OTOG: variants seen among roughly 807,000 people sequenced by gnomAD.
OTOG encodes otogelin.
A neutral mutation model predicts 313.8 loss-of-function variants in OTOG; 296 were observed. The observed-to-expected ratio is 0.94, with a 90% CI of 0.86 to 1.04. The LOEUF (loss-of-function observed/expected upper bound fraction) is 1.04, where lower values mean the gene tolerates loss of function less well. Among genes scored for constraint, OTOG ranks in the 50% least tolerant of loss-of-function variants. The pLI is 0.00. For missense variants in OTOG, 3,948 were observed against 3,840.1 expected (o/e 1.03, Z -0.74); for synonymous variants, 1,533 against 1,554.9 (o/e 0.99, Z 0.33).
intron 15 of OTOG, among the ~76,000 whole-genome samples, chr11:17,568,009 G>A (rs563042420): frequency 2.6e-5 from 4 of 152,202 alleles, no homozygotes; most frequent in South Asian, 2.1e-4. Context: ...CCGGGTTCAC[G>A]CCATTCTCCT....
intron 39 of OTOG, among the ~76,000 whole-genome samples, chr11:17,617,552 A>C (rs1233847294): frequency 1.3e-5 from 2 of 152,150 alleles, no homozygotes; most frequent in Non-Finnish European, 2.9e-5. Context: ...TCTTTCATAG[A>C]ATTTGTCCAT....
At chr11:17,601,796 T>C (rs922494508) in intron 31 of OTOG, among the ~76,000 whole-genome samples, 1 of 152,124 alleles carries the variant, frequency 6.6e-6, no homozygotes, top group African/African-American at 2.4e-5. Flanking sequence ...CACTAACAGG[T>C]TTATTGTCCC....
intron 33 of OTOG, among the ~76,000 whole-genome samples, chr11:17,606,537 G>C (rs1171404353): frequency 6.6e-6 from 1 of 152,224 alleles, no homozygotes; most frequent in Non-Finnish European, 1.5e-5. Flanking sequence ...GGATAGGTCT[G>C]GGGGCCAGCA....
At chr11:17,570,479 C>T (rs1260407981) in intron 17 of OTOG, 89 bp downstream of exon 17, 20 of 1,268,072 alleles carry the variant, frequency 1.6e-5, no homozygotes, top group Middle Eastern at 2.3e-4. Flanking sequence ...ATGTCTCTCC[C>T]GTGAGCCTTC....
chr11:17,560,260 C>G lies in OTOG; in HGVS notation c.1343-449C>G, dbSNP rs77634447. 4.4e-3 allele frequency among the ~76,000 whole-genome samples: 670 copies of G among 152,304 alleles called. 6 individuals are homozygous for G. Among genetic ancestry groups the G allele is most frequent in the African/African-American group, 0.015 (625 of 41,560 alleles). On this transcript the variant is annotated intron_variant, in intron 12 of 55. Coordinates refer to ENST00000399397, the MANE Select transcript of OTOG (RefSeq NM_001292063.2). ...AGCCATTGACTTTGGGAATCAGAATCTGGTTTCAGAGATATCACGCTCATA... is the reference window on the plus strand; with the variant it reads ...AGCCATTGACTTTGGGAATCAGAATGTGGTTTCAGAGATATCACGCTCATA...
intron 39 of OTOG, among the ~76,000 whole-genome samples, chr11:17,622,461 T>A (rs1853888035): frequency 6.6e-6 from 1 of 152,210 alleles, no homozygotes; most frequent in Non-Finnish European, 1.5e-5. Context: ...TATCAAACAC[T>A]AAGTCTTACT....
intron 53 of OTOG, 108 bp downstream of exon 53, chr11:17,642,354 G>A: frequency 5.8e-6 from 8 of 1,388,242 alleles, no homozygotes; most frequent in South Asian, 3.2e-5. Flanking sequence ...GGGCTCCCTG[G>A]AGCCTGTGCC....
rs1408669797 is a variant in OTOG, at chr11:17,555,796, G to T, written c.558G>T (p.Gln186His). The change falls in exon 7 of 56, where the codon CAG becomes CAT. Residue 186 changes from glutamine (Q) to histidine (H), a missense_variant. By Grantham distance (24) the Gln-to-His change is conservative. Coordinates refer to ENST00000399397, the MANE Select transcript of OTOG (RefSeq NM_001292063.2). The stretch of plus-strand genomic sequence containing the variant: ...CTACTCAGGTACACAATGACCCGCA[G>T]TGTGGCTCTTCACCCTACACCTGCT... ...SFSIQVHNDP[Q>H]CGSSPYTCSR... 1 of 1,550,536 alleles carries T rather than the reference G, an allele frequency of 6.4e-7. No homozygotes were observed. The highest frequency in any genetic ancestry group is 2.0e-5 in the Admixed American group (1 of 51,014).
rs550889516 is a variant in OTOG, at chr11:17,640,077, C to T, written c.7935+614C>T. ...ATGGTGGTGGTGAAGATGATAATGGCAATGATGATGATGATGTTGATGACA... is the reference window on the plus strand; with the variant it reads ...ATGGTGGTGGTGAAGATGATAATGGTAATGATGATGATGATGTTGATGACA... On this transcript the variant is annotated intron_variant, in intron 49 of 55. Transcript: ENST00000399397. 3.3e-5 allele frequency among the ~76,000 whole-genome samples: 5 copies of T among 152,156 alleles called. No individual in the cohort carries two copies. In the East Asian group the frequency reaches 5.8e-4, roughly 18 times the overall value.
chr11:17,606,329 G>A (rs978762475), intron 33 of OTOG, among the ~76,000 whole-genome samples, 194 bp downstream of exon 33: 7 of 152,238 alleles, frequency 4.6e-5, no homozygotes, highest in Non-Finnish European at 7.3e-5. Flanking sequence ...AGGGAGCCAC[G>A]GACAGTGTGC....
rs1459838559 is a variant in OTOG at position 17,635,084 on chromosome 11, T to C, written c.7590T>C (p.Cys2530=). Reference sequence around the variant, plus strand: ...TAAATTCAGCCTTTTCCCCAGAGTGTGACCCAGATCTCTGTGAGGCAGAGC... The same window carrying C: ...TAAATTCAGCCTTTTCCCCAGAGTGCGACCCAGATCTCTGTGAGGCAGAGC... ...DSCCPSYSCE[C]DPDLCEAELV... Residue 2530 remains cysteine (C), a synonymous_variant, in exon 46 of 56, where the codon TGT becomes TGC. Coordinates refer to ENST00000399397, the MANE Select transcript of OTOG (RefSeq NM_001292063.2). 6.5e-7 allele frequency: 1 copy of C among 1,548,098 alleles called. No individual in the cohort carries two copies. The highest frequency in any genetic ancestry group is 1.4e-5 in the African/African-American group (1 of 73,078).
chr11:17,605,477 C>G (rs1590036618), intron 32 of OTOG, among the ~76,000 whole-genome samples: 1 of 152,256 alleles, frequency 6.6e-6, no homozygotes, highest in Non-Finnish European at 1.5e-5. Flanking sequence ...AGGGCAGTTG[C>G]CTCTATTGTA....
chr11:17,631,634 A>G lies in OTOG; in HGVS notation c.6713-68A>G. 8.5e-6 allele frequency: 11 copies of G among 1,299,690 alleles called. No individual in the cohort carries two copies. In the South Asian group the frequency reaches 1.4e-4, roughly 16 times the overall value. The allele number at this position is 1,299,690 out of a possible 1,614,324, so 80.5% of individuals were successfully genotyped here. Reference sequence around the variant, plus strand: ...TCAAAGAACTGTGAGGAATACAAAAAGTGAGAGCTGACGACATGGGAGTGG... The same window carrying G: ...TCAAAGAACTGTGAGGAATACAAAAGGTGAGAGCTGACGACATGGGAGTGG... On this transcript the variant is annotated intron_variant, in intron 40 of 55. Transcript: ENST00000399397.
chr11:17,584,112 C>T (rs1590019980), intron 23 of OTOG, among the ~76,000 whole-genome samples: 1 of 151,946 alleles, frequency 6.6e-6, no homozygotes, highest in East Asian at 1.9e-4. Context: ...TTTTAATTGC[C>T]ACAATATAGA....
chr11:17,621,786 A>AT (rs1409540983), intron 39 of OTOG, among the ~76,000 whole-genome samples: 1 of 152,054 alleles, frequency 6.6e-6, no homozygotes, highest in Non-Finnish European at 1.5e-5. Context: ...ATTTGTTTCC[A>AT]TTTTTTGTTT....
chr11:17,551,886 G>A, intron 3 of OTOG, 114 bp from the exon 4 acceptor site: 1 of 901,350 alleles, frequency 1.1e-6, no homozygotes, highest in Non-Finnish European at 1.8e-6. Flanking sequence ...CTGAGGGGCA[G>A]GGGCTCCTCC....
chr11:17,561,491 G>C (rs914925173), intron 14 of OTOG, among the ~76,000 whole-genome samples, 171 bp from the exon 15 acceptor site: 1 of 152,082 alleles, frequency 6.6e-6, no homozygotes, highest in South Asian at 2.1e-4. Context: ...AGTTCTCTGG[G>C]GACAAGCCTG....
At chr11:17,606,747 C>T (rs969020015) in intron 33 of OTOG, among the ~76,000 whole-genome samples, 4 of 152,202 alleles carry the variant, frequency 2.6e-5, no homozygotes, top group African/African-American at 9.6e-5. Flanking sequence ...TTGGGGGTAC[C>T]TGTGTCTGTG....
chr11:17,596,780 C>A (rs1413137831), intron 29 of OTOG, 71 bp from the exon 30 acceptor site: 3 of 1,388,890 alleles, frequency 2.2e-6, no homozygotes, highest in Non-Finnish European at 3.0e-6. Context: ...TGCTGGTCGT[C>A]ATCAGCTGAA....
Sources: allele counts gnomAD v4.1 joint callset (sites outside exome capture counted in the v4.1 genomes callset), GRCh38; gene constraint gnomAD v4.1.1; transcripts MANE v1.5; gene names NCBI Gene and HGNC (gene_info 2026-07-23, HGNC 2026-07-21).